The following ADCY2 variants were observed in gnomAD, a reference collection of about 807,000 sequenced individuals.
ADCY2 encodes the protein adenylate cyclase type 2.
A neutral mutation model predicts 125.2 loss-of-function variants in ADCY2; 31 were observed. The observed-to-expected ratio is 0.25, with a 90% CI of 0.19 to 0.33. ADCY2 has a LOEUF of 0.33. Among genes scored for constraint, ADCY2 ranks in the 10% least tolerant of loss-of-function variants. The pLI is 1.00. For synonymous variants in ADCY2, 512 were observed against 548.4 expected, an observed-to-expected ratio of 0.93 and a Z score of 0.93; for missense variants, 904 against 1,418.2, an observed-to-expected ratio of 0.64 and a Z score of 5.82.
chr5:7,403,959 C>G (rs1359972192), intron 1 of ADCY2, among the ~76,000 whole-genome samples: 1 of 151,960 alleles, frequency 6.6e-6, no homozygotes, highest in Non-Finnish European at 1.5e-5. Context: ...CACACACACA[C>G]ACACACACAC....
At chr5:7,572,172 G>A (rs1002206259) in intron 3 of ADCY2, among the ~76,000 whole-genome samples, 2 of 152,110 alleles carry the variant, frequency 1.3e-5, no homozygotes, top group Admixed American at 6.6e-5. Flanking sequence ...GGGATTGCTG[G>A]GTTAAATGGT....
chr5:7,616,920 C>A (rs1481467335), intron 3 of ADCY2, among the ~76,000 whole-genome samples: 2 of 152,068 alleles, frequency 1.3e-5, no homozygotes, highest in Non-Finnish European at 2.9e-5. Flanking sequence ...CACAGAGACA[C>A]CAGGGTTGTG....
chr5:7,814,476 C>G (rs1745042878), intron 22 of ADCY2, among the ~76,000 whole-genome samples: 1 of 150,160 alleles, frequency 6.7e-6, no homozygotes, highest in African/African-American at 2.5e-5. Context: ...CAGGACAGCC[C>G]GCAAAGCAGA....
chr5:7,502,745 G>A (rs376585290), intron 2 of ADCY2, among the ~76,000 whole-genome samples: 4 of 152,182 alleles, frequency 2.6e-5, no homozygotes, highest in African/African-American at 7.2e-5. Flanking sequence ...TTCAGGAGAA[G>A]TGTGAATGAC....
intron 4 of ADCY2, among the ~76,000 whole-genome samples, chr5:7,682,699 C>T (rs894390669): frequency 1.3e-5 from 2 of 152,188 alleles, no homozygotes; most frequent in African/African-American, 4.8e-5. Context: ...TTTTCTTATG[C>T]TTTTCAGAGG....
intron 15 of ADCY2, among the ~76,000 whole-genome samples, chr5:7,743,973 T>C (rs1203301543): frequency 6.6e-6 from 1 of 152,156 alleles, no homozygotes; most frequent in Non-Finnish European, 1.5e-5. Context: ...ATTCAAAACG[T>C]TCGATGTCAC....
chr5:7,671,569 A>G (rs556487666), intron 4 of ADCY2, among the ~76,000 whole-genome samples: 112 of 152,308 alleles, frequency 7.4e-4, no homozygotes, highest in African/African-American at 2.6e-3. Context: ...TGTGGTGGAG[A>G]CATCCGTGAC....
intron 18 of ADCY2, among the ~76,000 whole-genome samples, chr5:7,778,768 C>T (rs115554836): frequency 5.9e-5 from 9 of 152,146 alleles, no homozygotes; most frequent in African/African-American, 1.2e-4. Context: ...AATGTCCTAA[C>T]GAGGGATTGA....
At chr5:7,593,059 G>A (rs972033244) in intron 3 of ADCY2, among the ~76,000 whole-genome samples, 2 of 152,174 alleles carry the variant, frequency 1.3e-5, no homozygotes, top group African/African-American at 4.8e-5. Flanking sequence ...GAGATAAAAT[G>A]CACATAGGTT....
chr5:7,677,151 G>A (rs986062789), intron 4 of ADCY2, among the ~76,000 whole-genome samples: 18 of 152,134 alleles, frequency 1.2e-4, no homozygotes, highest in African/African-American at 3.9e-4. Flanking sequence ...GGTGGCACGG[G>A]CCTGTAATCT....
rs754457061 is a variant in ADCY2 at position 7,764,889 on chromosome 5, C to T, written c.2095-1798C>T. On this transcript the variant is annotated intron_variant, in intron 16 of 24. Transcript: ENST00000338316. ...TTGTTACTTTAAAATGCAAAGAAGA[C>T]GGAGGAAGGGAAGCTGATTCAAAAT... 9.9e-5 allele frequency among the ~76,000 whole-genome samples: 15 copies of T among 152,014 alleles called. No individual in the cohort carries two copies. In the South Asian group the frequency reaches 1.2e-3, roughly 13 times the overall value.
chr5:7,694,323 A>G (rs1338253859), intron 5 of ADCY2, among the ~76,000 whole-genome samples: 2 of 152,162 alleles, frequency 1.3e-5, no homozygotes, highest in Non-Finnish European at 2.9e-5. Flanking sequence ...TTTTAAGTGC[A>G]CAGTTCAGTT....
intron 23 of ADCY2, among the ~76,000 whole-genome samples, chr5:7,818,817 C>T (rs1013514266): frequency 2.6e-5 from 4 of 152,062 alleles, no homozygotes; most frequent in African/African-American, 9.7e-5. Context: ...AAATGGGCTC[C>T]TCAAATTTTG....
intron 3 of ADCY2, among the ~76,000 whole-genome samples, chr5:7,525,174 T>C (rs1485689491): frequency 6.6e-6 from 1 of 152,102 alleles, no homozygotes; most frequent in Non-Finnish European, 1.5e-5. Flanking sequence ...GGCTAATTTC[T>C]TTTTTGTATT....
chr5:7,635,872 G>T (rs1383906889), intron 4 of ADCY2, among the ~76,000 whole-genome samples: 1 of 152,216 alleles, frequency 6.6e-6, no homozygotes, highest in Non-Finnish European at 1.5e-5. Context: ...CATGATAGTG[G>T]CTGTAAACTC....
At chr5:7,444,222 T>C (rs903587327) in intron 2 of ADCY2, among the ~76,000 whole-genome samples, 20 of 149,758 alleles carry the variant, frequency 1.3e-4, no homozygotes, top group African/African-American at 4.9e-4. Context: ...CACGCCATTC[T>C]CCAGCCTCAG....
At chr5:7,628,637 A>G (rs1178390013) in intron 4 of ADCY2, among the ~76,000 whole-genome samples, 1 of 152,250 alleles carries the variant, frequency 6.6e-6, no homozygotes, top group Non-Finnish European at 1.5e-5. Context: ...TATGTTTAAT[A>G]TAATACAACT....
At chr5:7,429,416 C>G (rs1250834152) in intron 2 of ADCY2, among the ~76,000 whole-genome samples, 1 of 152,120 alleles carries the variant, frequency 6.6e-6, no homozygotes, top group African/African-American at 2.4e-5. Context: ...AACAAGTTGA[C>G]CTAATTCATC....
At chr5:7,614,372 G>T (rs1352408537) in intron 3 of ADCY2, among the ~76,000 whole-genome samples, 1 of 151,892 alleles carries the variant, frequency 6.6e-6, no homozygotes, top group Non-Finnish European at 1.5e-5. Context: ...CAGCTTCTTG[G>T]TTCACCTTTC....
Sources: allele counts gnomAD v4.1 joint callset (sites outside exome capture counted in the v4.1 genomes callset), GRCh38; gene constraint gnomAD v4.1.1; transcripts MANE v1.5; gene names NCBI Gene and HGNC (gene_info 2026-07-23, HGNC 2026-07-21).